The following PDE4D variants were observed in gnomAD, a reference collection of about 807,000 sequenced individuals.
PDE4D encodes the protein 3',5'-cyclic-AMP phosphodiesterase 4D.
In PDE4D, 24 loss-of-function variants were observed where a neutral mutation model predicts 87.4. That is an observed-to-expected ratio of 0.27 (90% CI 0.20 to 0.39). The LOEUF is 0.39. PDE4D is among the 10% of genes least tolerant of loss of function. The pLI is 1.00. For missense variants in PDE4D, 714 were observed against 1,041.0 expected (o/e 0.69, Z 4.32); for synonymous variants, 384 against 383.2 (o/e 1.00, Z -0.02).
chr5:60,458,383 T>G, intron 1 of PDE4D, among the ~76,000 whole-genome samples: 1 of 99,192 alleles, frequency 1.0e-5, no homozygotes, highest in Non-Finnish European at 1.9e-5. Flanking sequence ...TGAGACTTCA[T>G]TGCAAAAAAA....
At chr5:58,983,255 G>T (rs573018026) in intron 11 of PDE4D, among the ~76,000 whole-genome samples, 151 of 152,364 alleles carry the variant, frequency 9.9e-4, no homozygotes, top group African/African-American at 3.4e-3. Flanking sequence ...TCAACTACTT[G>T]CAGGGAACTT....
In PDE4D at chr5:60,432,750, G is replaced by T. The variant is rs370720882; in HGVS notation, c.-90+55192C>A. On this transcript the variant is annotated intron_variant, in intron 1 of 16. Transcript: ENST00000502484. The stretch of plus-strand genomic sequence containing the variant: ...AATAGATACATAGACCACTGGAACA[G>T]AATAGGGAGCCCAGATATAAACCCA... Among the ~76,000 whole-genome samples, 18 of 152,234 alleles carry T rather than the reference G, an allele frequency of 1.2e-4. No homozygotes were observed. In the East Asian group the frequency reaches 3.3e-3, roughly 28 times the overall value.
chr5:60,189,361 A>G (rs10491402), intron 1 of PDE4D, among the ~76,000 whole-genome samples: 6,885 of 152,270 alleles, frequency 0.045, 414 homozygotes, highest in African/African-American at 0.14. Flanking sequence ...TGAACTGGTC[A>G]TCAGATGAAA....
intron 2 of PDE4D, among the ~76,000 whole-genome samples, chr5:60,168,702 T>C (rs1403657364): frequency 1.3e-5 from 2 of 152,222 alleles, no homozygotes; most frequent in Admixed American, 6.5e-5. Context: ...TCTAATACAA[T>C]GTAAATACTA....
At chr5:59,435,274 T>C (rs1796641538) in intron 1 of PDE4D, among the ~76,000 whole-genome samples, 1 of 152,166 alleles carries the variant, frequency 6.6e-6, no homozygotes, top group South Asian at 2.1e-4. Flanking sequence ...CTTGAAATTA[T>C]CCAATAGTTC....
chr5:60,094,870 C>A (rs759741058), intron 2 of PDE4D, among the ~76,000 whole-genome samples: 4 of 152,006 alleles, frequency 2.6e-5, no homozygotes, highest in African/African-American at 9.7e-5. Context: ...GGAAGCCCTA[C>A]AGTTACTTTA....
At chr5:59,461,771 T>C (rs1028871744) in intron 1 of PDE4D, among the ~76,000 whole-genome samples, 2 of 152,172 alleles carry the variant, frequency 1.3e-5, no homozygotes, top group Non-Finnish European at 2.9e-5. Flanking sequence ...CCCAATTTAT[T>C]TCTCCTAGTA....
intron 1 of PDE4D, among the ~76,000 whole-genome samples, chr5:59,455,405 T>C (rs1355814003): frequency 1.3e-5 from 2 of 152,196 alleles, no homozygotes; most frequent in African/African-American, 4.8e-5. Flanking sequence ...GCAACTTCCA[T>C]GTGGTGTTGA....
chr5:60,039,997 T>C (rs1407762427), intron 2 of PDE4D, among the ~76,000 whole-genome samples: 3 of 152,240 alleles, frequency 2.0e-5, no homozygotes, highest in Admixed American at 6.5e-5. Context: ...TTTAGAAATA[T>C]ATTTTGAATG....
At chr5:60,105,819 T>C (rs572405010) in intron 2 of PDE4D, among the ~76,000 whole-genome samples, 1 of 152,210 alleles carries the variant, frequency 6.6e-6, no homozygotes, top group South Asian at 2.1e-4. Context: ...TGCTGAGAGA[T>C]TTTGTCACCA....
intron 2 of PDE4D, among the ~76,000 whole-genome samples, chr5:60,126,064 T>C (rs1355999130): frequency 6.6e-6 from 1 of 152,148 alleles, no homozygotes; most frequent in African/African-American, 2.4e-5. Flanking sequence ...ACTATGATTT[T>C]ACCTCCATTA....
chr5:59,213,331 T>C (rs1486010522), intron 2 of PDE4D, among the ~76,000 whole-genome samples: 1 of 151,972 alleles, frequency 6.6e-6, no homozygotes, highest in Non-Finnish European at 1.5e-5. Flanking sequence ...CAGCTATTTT[T>C]TTGGATTTTT....
intron 1 of PDE4D, among the ~76,000 whole-genome samples, chr5:59,263,281 G>A (rs1408120286): frequency 6.6e-6 from 1 of 151,924 alleles, no homozygotes; most frequent in Admixed American, 6.6e-5. Context: ...ACAAAGATGA[G>A]CAAACCCAGT....
intron 1 of PDE4D, among the ~76,000 whole-genome samples, chr5:59,674,722 G>T (rs748364750): frequency 6.6e-5 from 10 of 152,218 alleles, no homozygotes; most frequent in South Asian, 2.1e-4. Flanking sequence ...CAAAAGGGTG[G>T]AAATGAGAAA....
chr5:60,068,088 A>C (rs987558080), intron 2 of PDE4D, among the ~76,000 whole-genome samples: 9 of 152,176 alleles, frequency 5.9e-5, no homozygotes, highest in African/African-American at 1.7e-4. Flanking sequence ...AAACACCCCA[A>C]AGTGGGATTG....
intron 1 of PDE4D, among the ~76,000 whole-genome samples, chr5:59,220,377 CA>C (rs57610513): frequency 0.025 from 890 of 36,090 alleles, 1 homozygote; most frequent in Non-Finnish European, 0.03. Context: ...GACTCTGTCT[CA>C]AAAAAAAAAA....
chr5:59,061,310 C>T (rs908003446), intron 5 of PDE4D, among the ~76,000 whole-genome samples: 1 of 152,014 alleles, frequency 6.6e-6, no homozygotes, highest in Non-Finnish European at 1.5e-5. Flanking sequence ...GCACAAACAC[C>T]TCTGAATGTA....
intron 1 of PDE4D, among the ~76,000 whole-genome samples, chr5:59,670,735 TA>T: frequency 6.6e-6 from 1 of 152,318 alleles, no homozygotes; most frequent in East Asian, 1.9e-4. Flanking sequence ...GTAATTATAA[TA>T]AAGTGGAAAA....
Position 59,580,302 on chromosome 5 carries a change from G to A in PDE4D, c.455+312866C>T, listed in dbSNP as rs188540290. Among the ~76,000 whole-genome samples the A allele has an allele frequency of 1.1e-3, 175 of 152,226 alleles. 1 individual carries two copies. Among genetic ancestry groups the A allele is most frequent in the East Asian group, 5.8e-4 (3 of 5,180 alleles). ...ATTACCTTCCTCATCTGCAAACAGG[G>A]ATTTGGATAAGAAATTCTCAGAAAG... On this transcript the variant is annotated intron_variant, in intron 1 of 14. Coordinates refer to ENST00000340635, the MANE Select transcript of PDE4D (RefSeq NM_001104631.2).
Sources: gnomAD v4.1 joint callset for allele counts (sites outside exome capture counted in the v4.1 genomes callset) on GRCh38, gnomAD v4.1.1 for gene constraint, MANE v1.5 for transcripts, NCBI Gene and HGNC (gene_info 2026-07-23, HGNC 2026-07-21) for gene names.